The following ARHGAP15 variants were observed in gnomAD, a reference collection of about 807,000 sequenced individuals.
ARHGAP15 encodes rho GTPase-activating protein 15.
Under a neutral mutation model 63.7 loss-of-function variants are expected in ARHGAP15, and 51 were observed. That is an observed-to-expected ratio of 0.80 (90% CI 0.64 to 1.01). The LOEUF (loss-of-function observed/expected upper bound fraction) is 1.01, where lower values mean the gene tolerates loss of function less well. Ranked by LOEUF, ARHGAP15 falls within the 50% of genes least tolerant of loss-of-function variation. The pLI is 0.00. For missense variants in ARHGAP15, 560 were observed against 564.6 expected (o/e 0.99, Z 0.08); for synonymous variants, 191 against 193.8 (o/e 0.99, Z 0.12).
chr2:143,618,487 G>C (rs1698528342), intron 11 of ARHGAP15, among the ~76,000 whole-genome samples: 1 of 152,184 alleles, frequency 6.6e-6, no homozygotes, highest in African/African-American at 2.4e-5. Context: ...TCTTTTCACT[G>C]TATTAATGAG....
intron 6 of ARHGAP15, among the ~76,000 whole-genome samples, chr2:143,251,983 C>T (rs1319892587): frequency 1.3e-5 from 2 of 152,044 alleles, no homozygotes; most frequent in Non-Finnish European, 2.9e-5. Flanking sequence ...AGATGATCAA[C>T]ATAAGAAGCT....
intron 3 of ARHGAP15, among the ~76,000 whole-genome samples, chr2:143,207,324 A>G (rs1305171838): frequency 6.6e-6 from 1 of 152,084 alleles, no homozygotes; most frequent in Non-Finnish European, 1.5e-5. Context: ...TTTAGCCCCA[A>G]TGACCTTGGA....
intron 8 of ARHGAP15, among the ~76,000 whole-genome samples, chr2:143,454,183 A>G (rs1468025626): frequency 6.6e-6 from 1 of 152,024 alleles, no homozygotes; most frequent in Admixed American, 6.6e-5. Context: ...CCTAGTCCTC[A>G]TGCTCAAGGA....
chr2:143,527,827 T>G (rs1694344975), intron 10 of ARHGAP15, among the ~76,000 whole-genome samples: 1 of 151,854 alleles, frequency 6.6e-6, no homozygotes, highest in Non-Finnish European at 1.5e-5. Flanking sequence ...CATTGGAGAG[T>G]TGCACACCAT....
At chr2:143,620,032 T>C (rs1390920053) in intron 11 of ARHGAP15, among the ~76,000 whole-genome samples, 1 of 152,216 alleles carries the variant, frequency 6.6e-6, no homozygotes, top group Non-Finnish European at 1.5e-5. Flanking sequence ...TGGCTTACAA[T>C]GTTTGTTCAG....
rs1693629654 is a variant in ARHGAP15 at position 143,236,040 on chromosome 2, G to A, written c.384+7372G>A. Reference sequence around the variant, plus strand: ...TTAAACAAAACCCATTTGATGGATTGCATCATAGAGAAGAAGCTCTGCAAT... The same window carrying A: ...TTAAACAAAACCCATTTGATGGATTACATCATAGAGAAGAAGCTCTGCAAT... On this transcript the variant is annotated intron_variant, in intron 5 of 13. Coordinates refer to ENST00000295095, the MANE Select transcript of ARHGAP15 (RefSeq NM_018460.4). 4.6e-6 allele frequency: 7 copies of A among 1,508,574 alleles called. No individual in the cohort carries two copies. In the East Asian group the frequency reaches 1.0e-4, roughly 22 times the overall value. 93.4% of individuals were successfully genotyped at this position (1,508,574 alleles called of 1,614,324 possible).
chr2:143,505,805 C>A (rs1382281536), intron 9 of ARHGAP15, among the ~76,000 whole-genome samples: 1 of 152,166 alleles, frequency 6.6e-6, no homozygotes, highest in African/African-American at 2.4e-5. Flanking sequence ...AAGCTGAGGA[C>A]TAAAGAATGC....
intron 6 of ARHGAP15, among the ~76,000 whole-genome samples, chr2:143,369,660 GC>G (rs1341523277): frequency 7.9e-5 from 12 of 151,954 alleles, no homozygotes; most frequent in Admixed American, 2.0e-4. Flanking sequence ...AGGCATTTGG[GC>G]CATACATATA....
At chr2:143,273,410 T>C (rs749563554) in intron 6 of ARHGAP15, among the ~76,000 whole-genome samples, 3 of 152,116 alleles carry the variant, frequency 2.0e-5, no homozygotes, top group Non-Finnish European at 4.4e-5. Context: ...AAGTTGAAAA[T>C]ATCTTAAGTT....
At chr2:143,668,125 C>G (rs925309977) in intron 12 of ARHGAP15, among the ~76,000 whole-genome samples, 1 of 151,728 alleles carries the variant, frequency 6.6e-6, no homozygotes, top group African/African-American at 2.4e-5. Flanking sequence ...AACTAGGTAA[C>G]ACTGTTCGCA....
intron 6 of ARHGAP15, among the ~76,000 whole-genome samples, chr2:143,346,574 A>T (rs547668178): frequency 6.6e-6 from 1 of 152,252 alleles, no homozygotes; most frequent in East Asian, 1.9e-4. Flanking sequence ...ATTATGCTAT[A>T]CTGAAACAAG....
At chr2:143,655,701 A>G (rs1681398609) in intron 12 of ARHGAP15, among the ~76,000 whole-genome samples, 1 of 152,188 alleles carries the variant, frequency 6.6e-6, no homozygotes. Flanking sequence ...ATAAAAAATT[A>G]CCATGCAGTT....
At chr2:143,365,722 G>T in intron 6 of ARHGAP15, among the ~76,000 whole-genome samples, 1 of 152,052 alleles carries the variant, frequency 6.6e-6, no homozygotes, top group East Asian at 1.9e-4. Context: ...TTTTAACATC[G>T]CTAATTCTAA....
At chr2:143,603,647 A>C (rs1220676372) in intron 11 of ARHGAP15, among the ~76,000 whole-genome samples, 1 of 152,220 alleles carries the variant, frequency 6.6e-6, no homozygotes, top group Non-Finnish European at 1.5e-5. Context: ...GAATGATGGC[A>C]ATACAAAGAA....
At chr2:143,350,514 A>G (rs1685509460) in intron 6 of ARHGAP15, among the ~76,000 whole-genome samples, 2 of 151,956 alleles carry the variant, frequency 1.3e-5, no homozygotes, top group Admixed American at 1.3e-4. Flanking sequence ...TATTTTTCCA[A>G]TGTATGAAAT....
chr2:143,603,350 G>A (rs1192663734), intron 11 of ARHGAP15, among the ~76,000 whole-genome samples: 3 of 152,132 alleles, frequency 2.0e-5, no homozygotes, highest in Non-Finnish European at 4.4e-5. Context: ...ATGTATTCTT[G>A]TGAATACAGA....
intron 12 of ARHGAP15, among the ~76,000 whole-genome samples, chr2:143,673,341 A>G (rs908843038): frequency 3.3e-5 from 5 of 152,144 alleles, no homozygotes; most frequent in Non-Finnish European, 7.4e-5. Flanking sequence ...TCTGTCACCC[A>G]GGCTAGAGTG....
chr2:143,445,151 T>TCA (rs1690071600), intron 8 of ARHGAP15, among the ~76,000 whole-genome samples: 1 of 89,390 alleles, frequency 1.1e-5, no homozygotes, highest in African/African-American at 4.4e-5. Context: ...TTAAGAACAA[T>TCA]TATTTTTTTT....
At chr2:143,682,526 A>G (rs1317050222) in intron 12 of ARHGAP15, among the ~76,000 whole-genome samples, 1 of 152,210 alleles carries the variant, frequency 6.6e-6, no homozygotes, top group Non-Finnish European at 1.5e-5. Context: ...GTGTATACAC[A>G]CACATGCACA....
Sources: gnomAD v4.1 joint callset for allele counts (sites outside exome capture counted in the v4.1 genomes callset) on GRCh38, gnomAD v4.1.1 for gene constraint, MANE v1.5 for transcripts, NCBI Gene and HGNC (gene_info 2026-07-23, HGNC 2026-07-21) for gene names.